The following SQSTM1 variants were observed in gnomAD, a reference collection of about 807,000 sequenced individuals.
The protein encoded by SQSTM1 is sequestosome 1.
SQSTM1 carries 36 observed loss-of-function variants against 45.1 expected under a neutral mutation model. The ratio of observed to expected loss-of-function variants is 0.80; its 90% confidence interval spans 0.61 to 1.05. The LOEUF (loss-of-function observed/expected upper bound fraction) is 1.05. SQSTM1 is among the 50% of genes least tolerant of loss of function. SQSTM1 has a pLI of 0.00. For missense variants in SQSTM1, 617 were observed against 607.1 expected, an observed-to-expected ratio of 1.02 and a Z score of -0.17; for synonymous variants, 290 against 244.3, an observed-to-expected ratio of 1.19 and a Z score of -1.74.
intron 5 of SQSTM1, among the ~76,000 whole-genome samples, chr5:179,828,174 G>A (rs180974195): frequency 1.3e-5 from 2 of 152,266 alleles, no homozygotes; most frequent in East Asian, 3.9e-4. Context: ...AGACAAAGTA[G>A]CCTGTCCAGT....
At chr5:179,820,661 G>T, upstream of SQSTM1, 1 of 397,702 alleles carries the variant, frequency 2.5e-6, no homozygotes, top group South Asian at 5.2e-5. Context: ...GAGTGCCAGG[G>T]CCGGTTTCCT....
At chr5:179,827,436 C>T (rs1047713302) in intron 5 of SQSTM1, among the ~76,000 whole-genome samples, 22 of 152,324 alleles carry the variant, frequency 1.4e-4, no homozygotes, top group Non-Finnish European at 2.5e-4. Flanking sequence ...AGGCGCCCAC[C>T]ACCACGCCCG....
chr5:179,833,832 C>T, intron 7 of SQSTM1, 50 bp downstream of exon 7: 1 of 1,583,074 alleles, frequency 6.3e-7, no homozygotes, highest in Non-Finnish European at 8.7e-7. Context: ...CCCTTTAGAG[C>T]ATCCTGCCCT....
At position 179,833,077 on chromosome 5, in the gene SQSTM1, G is replaced by A. The variant is rs149424705; in HGVS notation, c.800G>A (p.Arg267His). 155 of 1,614,178 alleles carry A rather than the reference G, an allele frequency of 9.6e-5. No individual in the cohort carries two copies. Among genetic ancestry groups the A allele is most frequent in the Non-Finnish European group, 1.1e-4 (134 of 1,180,028 alleles). ...GTGGAGCACGGAGGGAAAAGAAGCC[G>A]CCTGACCCCCGTCTCTCCAGAGAGT... ...IDVEHGGKRS[R>H]LTPVSPESSS... The change falls in exon 6 of 8, where the codon CGC becomes CAC. Residue 267 changes from arginine to histidine, a missense_variant. Coordinates refer to ENST00000389805, the MANE Select transcript of SQSTM1 (RefSeq NM_003900.5).
At chr5:179,807,195 G>GACCCCGGT (rs1757211732) in intron 1 of SQSTM1, 1 of 152,956 alleles carries the variant, frequency 6.5e-6, no homozygotes, top group South Asian at 2.0e-4. Flanking sequence ...GGCGCTCCGG[G>GACCCCGGT]ACCCCGGTAC....
chr5:179,834,165 G>GT lies in SQSTM1; in HGVS notation c.1165+383_1165+384insT, dbSNP rs1195359138. 2.1e-5 allele frequency among the ~76,000 whole-genome samples: 3 copies of GT among 139,812 alleles called. No individual in the cohort carries two copies. In the Middle Eastern group the frequency reaches 0.011, roughly 526 times the overall value. The allele number at this position is 139,812 out of a possible 152,430, so 91.7% of individuals were successfully genotyped here. On this transcript the variant is annotated intron_variant, in intron 7 of 7. Transcript: ENST00000389805. ...GGAGTGCTGGTCTGAGAGGGGGGGGGGTCATAGCCAAGATCCCTGTAGGAG... is the reference window on the plus strand; with the variant it reads ...GGAGTGCTGGTCTGAGAGGGGGGGGGTGTCATAGCCAAGATCCCTGTAGGAG...
In SQSTM1 at chr5:179,837,571, C is replaced by G; in HGVS notation, c.*978C>G. The G allele has an allele frequency of 6.2e-7, 1 of 1,614,242 alleles. No homozygotes were observed. Among genetic ancestry groups the G allele is most frequent in the Non-Finnish European group, 8.5e-7 (1 of 1,180,040 alleles). ...TGACGGGGTGTGTGGCCCGAGGAAG[C>G]TGGACAGCGGCAGTGGGCCTGCTGA... On this transcript the variant is annotated 3_prime_UTR_variant, in exon 8 of 8. Transcript: ENST00000389805.
In SQSTM1 at chr5:179,836,203, TA is replaced by T; in HGVS notation, c.1166-232del. ...TTCAGTGTCCATTGATGGTTCTGCT[TA>T]CACACCACCTGGCTGCCTGGTGTCG... is the stretch of plus-strand genomic sequence containing the variant. On this transcript the variant is annotated intron_variant, in intron 7 of 7. Transcript: ENST00000389805. 4.9e-6 allele frequency: 3 copies of T among 609,696 alleles called. No homozygotes were observed. The South Asian group carries it at 5.7e-5, about 12-fold the overall frequency. The allele number at this position is 609,696 out of a possible 1,614,324, so 37.8% of individuals were successfully genotyped here.
chr5:179,833,811 T>G (rs779056364), intron 7 of SQSTM1, 29 bp downstream of exon 7: 2 of 1,611,688 alleles, frequency 1.2e-6, no homozygotes, highest in Non-Finnish European at 1.7e-6. Flanking sequence ...TTTGTACATA[T>G]TCCTACCTTT....
intron 1 of SQSTM1, chr5:179,821,631 G>A (rs997769621): frequency 1.7e-5 from 7 of 422,622 alleles, no homozygotes; most frequent in African/African-American, 6.3e-5. Context: ...ACAAGCGCGG[G>A]GGTGCGGGGG....
intron 1 of SQSTM1, chr5:179,808,189 T>G (rs1757265597): frequency 6.6e-6 from 1 of 152,246 alleles, no homozygotes; most frequent in South Asian, 2.1e-4. Flanking sequence ...GAATGCGGCT[T>G]TGTCTTCCTA....
At chr5:179,813,065 C>T (rs1383532419) in intron 2 of SQSTM1, 1 of 149,956 alleles carries the variant, frequency 6.7e-6, no homozygotes, top group Non-Finnish European at 1.5e-5. Context: ...TCTGCAGATG[C>T]CAAGGGTGTC....
intron 7 of SQSTM1, 47 bp downstream of exon 7, chr5:179,833,829 G>A: frequency 1.3e-6 from 2 of 1,595,778 alleles, no homozygotes; most frequent in Non-Finnish European, 8.6e-7. Context: ...TTTCCCTTTA[G>A]AGCATCCTGC....
chr5:179,821,878 C>A (rs901856935), intron 1 of SQSTM1, among the ~76,000 whole-genome samples: 9 of 152,142 alleles, frequency 5.9e-5, no homozygotes, highest in Non-Finnish European at 1.2e-4. Flanking sequence ...AAGGCCGGCC[C>A]CTGGGAGGGT....
upstream of SQSTM1, among the ~76,000 whole-genome samples, chr5:179,819,911 G>T (rs554565588): frequency 2.6e-5 from 4 of 152,290 alleles, no homozygotes; most frequent in South Asian, 8.3e-4. Context: ...TTCCTCCCCT[G>T]GGAGGTTTCT....
upstream of SQSTM1, chr5:179,818,904 G>A (rs1328618040): frequency 6.5e-6 from 1 of 152,692 alleles, no homozygotes; most frequent in Admixed American, 6.5e-5. Flanking sequence ...CTGCGGGGTG[G>A]GACTGCATCG....
chr5:179,809,157 T>G (rs969035363), intron 1 of SQSTM1, among the ~76,000 whole-genome samples: 1 of 125,306 alleles, frequency 8.0e-6, no homozygotes, highest in Non-Finnish European at 1.6e-5. Flanking sequence ...ACCCCGGCCT[T>G]TTTTTTTTTT....
chr5:179,833,017 C>G lies in SQSTM1; in HGVS notation c.755-15C>G. ...GGGGAACTTCACGGCTTGCTCTTTC[C>G]TCCTCCGCCTCTAGGCATTGAAGTT... On this transcript the variant is annotated splice_polypyrimidine_tract_variant and intron_variant, in intron 5 of 7. Transcript: ENST00000389805. 1 of 1,613,964 alleles carries G rather than the reference C, an allele frequency of 6.2e-7. No individual in the cohort carries two copies.
upstream of SQSTM1, among the ~76,000 whole-genome samples, chr5:179,816,686 C>G (rs569873004): frequency 1.8e-4 from 27 of 152,358 alleles, no homozygotes; most frequent in African/African-American, 6.3e-4. Context: ...ACAGTCCCCC[C>G]AGGCGCCACT....
Sources: gnomAD v4.1 joint callset for allele counts (sites outside exome capture counted in the v4.1 genomes callset) on GRCh38, gnomAD v4.1.1 for gene constraint, MANE v1.5 for transcripts, NCBI Gene and HGNC (gene_info 2026-07-23, HGNC 2026-07-21) for gene names.